Variants in CNTN1 observed in about 807,000 individuals in gnomAD.
The protein encoded by CNTN1 is contactin 1.
Under a neutral mutation model 126.4 loss-of-function variants are expected in CNTN1, and 38 were observed. The ratio of observed to expected loss-of-function variants is 0.30; its 90% CI spans 0.23 to 0.39. CNTN1 has a LOEUF of 0.39. Among genes scored for constraint, CNTN1 ranks in the 10% least tolerant of loss-of-function variants. CNTN1 has a pLI of 1.00. For synonymous variants in CNTN1, 413 were observed against 422.6 expected, an observed-to-expected ratio of 0.98 and a Z score of 0.28; for missense variants, 1,009 against 1,248.4, an observed-to-expected ratio of 0.81 and a Z score of 2.89.
intron 1 of CNTN1, among the ~76,000 whole-genome samples, chr12:40,841,898 T>C (rs1324831104): frequency 6.6e-6 from 1 of 152,064 alleles, no homozygotes; most frequent in African/African-American, 2.4e-5. Context: ...ATCACTCCTA[T>C]TCCACATAGG....
At chr12:40,743,646 T>G (rs1938042820) in intron 1 of CNTN1, among the ~76,000 whole-genome samples, 1 of 152,144 alleles carries the variant, frequency 6.6e-6, no homozygotes, top group Non-Finnish European at 1.5e-5. Context: ...TGTAATGGGT[T>G]GTTTTGTTTT....
intron 23 of CNTN1, among the ~76,000 whole-genome samples, chr12:41,045,451 C>A (rs1005125818): frequency 6.6e-6 from 1 of 152,048 alleles, no homozygotes; most frequent in African/African-American, 2.4e-5. Flanking sequence ...ATTTGAAAAC[C>A]ATTTAGAAAG....
chr12:40,830,793 A>G (rs2772477), intron 1 of CNTN1, among the ~76,000 whole-genome samples: 1,694 of 8,568 alleles, frequency 0.2, 41 homozygotes, highest in Middle Eastern at 0.5. Flanking sequence ...AGTATAGTGT[A>G]TATATATATA....
At chr12:40,844,287 C>T (rs886900043) in intron 1 of CNTN1, among the ~76,000 whole-genome samples, 2 of 151,668 alleles carry the variant, frequency 1.3e-5, no homozygotes, top group South Asian at 2.1e-4. Context: ...AAGCTGGTCT[C>T]GGACTCCTGA....
chr12:40,954,190 C>T lies in CNTN1; in HGVS notation c.1684-4924C>T, dbSNP rs540291024. 9.9e-5 allele frequency among the ~76,000 whole-genome samples: 15 copies of T among 152,062 alleles called. No individual in the cohort carries two copies. The East Asian group carries it at 2.1e-3, about 22-fold the overall frequency. ...TTTTTACTTGTATGCAGACATTATTCTTTCCAAATATAACTATCATTTTGT... is the reference window on the plus strand; with the variant it reads ...TTTTTACTTGTATGCAGACATTATTTTTTCCAAATATAACTATCATTTTGT... On this transcript the variant is annotated intron_variant, in intron 14 of 23. Transcript: ENST00000551295.
chr12:40,796,401 G>A (rs1940432205), intron 1 of CNTN1, among the ~76,000 whole-genome samples: 1 of 151,944 alleles, frequency 6.6e-6, no homozygotes, highest in Non-Finnish European at 1.5e-5. Context: ...ACCACTACCC[G>A]AGAGCTTCCT....
Position 41,044,414 on chromosome 12 carries a change from G to T in CNTN1, c.2980+15195G>T, listed in dbSNP as rs1056293078. ...TTTATCCTTTAAAAATATATTATTTGGCTCTATCACTGTTAAATAACATTT... is the reference window on the plus strand; with the variant it reads ...TTTATCCTTTAAAAATATATTATTTTGCTCTATCACTGTTAAATAACATTT... On this transcript the variant is annotated intron_variant, in intron 23 of 23. Transcript: ENST00000551295. Among the ~76,000 whole-genome samples the T allele has an allele frequency of 2.0e-5, 3 of 152,008 alleles. 1 individual carries two copies. Among genetic ancestry groups the T allele is most frequent in the African/African-American group, 4.8e-5 (2 of 41,404 alleles).
intron 1 of CNTN1, among the ~76,000 whole-genome samples, chr12:40,724,504 A>G (rs1307777151): frequency 6.6e-6 from 1 of 152,230 alleles, no homozygotes; most frequent in Non-Finnish European, 1.5e-5. Flanking sequence ...TAGCAAAATA[A>G]AAATAAAAGA....
In CNTN1 at chr12:40,964,242, C is replaced by T. The variant is rs1045956674; in HGVS notation, c.1804+5008C>T. ...ACATCTTATGTGTTACATTAAATGA[C>T]GTTTGTTCACTCAAATCTGAGTTTA... On this transcript the variant is annotated intron_variant, in intron 15 of 23. Coordinates refer to ENST00000551295, the MANE Select transcript of CNTN1 (RefSeq NM_001843.4). Among the ~76,000 whole-genome samples the T allele has an allele frequency of 2.0e-5, 3 of 152,092 alleles. No homozygotes were observed. The South Asian group carries it at 6.2e-4, about 32-fold the overall frequency.
intron 15 of CNTN1, among the ~76,000 whole-genome samples, chr12:40,964,525 A>AGTGTGTGTGTGTGTGTGT (rs369450437): frequency 5.7e-5 from 6 of 104,716 alleles, no homozygotes; most frequent in Admixed American, 4.5e-4. Context: ...CGTGTAAGTG[A>AGTGTGTGTGTGTGTGTGT]GTGTGTGTGT....
At chr12:40,708,576 G>T (rs968410623) in intron 1 of CNTN1, among the ~76,000 whole-genome samples, 1 of 152,182 alleles carries the variant, frequency 6.6e-6, no homozygotes, top group Non-Finnish European at 1.5e-5. Flanking sequence ...ACTGAGGTTT[G>T]TGAGATCAGT....
At chr12:41,059,393 C>T (rs1012392931) in intron 23 of CNTN1, among the ~76,000 whole-genome samples, 1 of 152,146 alleles carries the variant, frequency 6.6e-6, no homozygotes, top group Non-Finnish European at 1.5e-5. Flanking sequence ...TATTGGCTGT[C>T]ATTGCTATTG....
chr12:40,744,728 T>C (rs538578162), intron 1 of CNTN1, among the ~76,000 whole-genome samples: 2 of 152,214 alleles, frequency 1.3e-5, no homozygotes, highest in Admixed American at 6.6e-5. Context: ...GTGGAAAGAA[T>C]TGTTTGTTAC....
intron 1 of CNTN1, among the ~76,000 whole-genome samples, chr12:40,842,703 T>G (rs531218545): frequency 6.6e-6 from 1 of 152,262 alleles, no homozygotes; most frequent in African/African-American, 2.4e-5. Flanking sequence ...TGTTCATCTT[T>G]GTATTCCTAG....
At chr12:40,809,066 T>G (rs1205759939) in intron 1 of CNTN1, among the ~76,000 whole-genome samples, 1 of 152,196 alleles carries the variant, frequency 6.6e-6, no homozygotes, top group Non-Finnish European at 1.5e-5. Context: ...AATTAGGAAT[T>G]TTATTACCTA....
intron 3 of CNTN1, among the ~76,000 whole-genome samples, chr12:40,910,845 T>G (rs1231981440): frequency 6.6e-6 from 1 of 151,944 alleles, no homozygotes; most frequent in Non-Finnish European, 1.5e-5. Flanking sequence ...CACTAGTAAC[T>G]TACAAAAGCC....
chr12:40,824,856 A>G (rs903790945), intron 1 of CNTN1, among the ~76,000 whole-genome samples: 2 of 152,194 alleles, frequency 1.3e-5, no homozygotes, highest in Non-Finnish European at 2.9e-5. Flanking sequence ...TTCTGCTGAT[A>G]TGCCTCGCAT....
At chr12:40,711,023 A>G (rs894489034) in intron 1 of CNTN1, among the ~76,000 whole-genome samples, 19 of 152,246 alleles carry the variant, frequency 1.2e-4, no homozygotes, top group Admixed American at 1.0e-3. Flanking sequence ...TCTGAGGTGT[A>G]ATATCTTAGT....
chr12:40,850,892 C>A (rs12319935), intron 1 of CNTN1, among the ~76,000 whole-genome samples: 1 of 151,984 alleles, frequency 6.6e-6, no homozygotes, highest in Non-Finnish European at 1.5e-5. Context: ...TTTAAAATAC[C>A]ATTTTCTTGG....
Sources: gnomAD v4.1 joint callset for allele counts (sites outside exome capture counted in the v4.1 genomes callset) on GRCh38, gnomAD v4.1.1 for gene constraint, MANE v1.5 for transcripts, NCBI Gene and HGNC (gene_info 2026-07-23, HGNC 2026-07-21) for gene names.